SLC24A2: variants seen among roughly 807,000 people sequenced by gnomAD.
SLC24A2 encodes solute carrier family 24 member 2.
In SLC24A2, 36 loss-of-function variants were observed where a neutral mutation model predicts 62.0. That is an observed-to-expected ratio of 0.58 (90% CI 0.44 to 0.77). The LOEUF (loss-of-function observed/expected upper bound fraction) is 0.77. SLC24A2 is among the 30% of genes least tolerant of loss of function. The pLI is 0.00. For missense variants in SLC24A2, 846 were observed against 817.9 expected (o/e 1.03, Z -0.42); for synonymous variants, 358 against 294.0 (o/e 1.22, Z -2.23).
the SLC24A2 span, among the ~76,000 whole-genome samples, chr9:19,990,636 A>G: frequency 7.9e-6 from 1 of 126,612 alleles, no homozygotes; most frequent in Non-Finnish European, 1.6e-5. Context: ...AAAACAAAAC[A>G]AAAAAAAAAA....
the SLC24A2 span, among the ~76,000 whole-genome samples, chr9:20,187,708 C>A: frequency 6.6e-6 from 1 of 152,178 alleles, no homozygotes; most frequent in African/African-American, 2.4e-5. Context: ...TTCTCCCATT[C>A]TTAGCTAGGT....
the SLC24A2 span, among the ~76,000 whole-genome samples, chr9:20,045,476 G>A: frequency 2.0e-5 from 3 of 151,978 alleles, no homozygotes; most frequent in South Asian, 6.2e-4. Context: ...CTGTCGCCCG[G>A]GCTGGAGTGC....
chr9:19,827,866 C>T, the SLC24A2 span, among the ~76,000 whole-genome samples: 166 of 152,278 alleles, frequency 1.1e-3, 2 homozygotes, highest in African/African-American at 3.8e-3. Flanking sequence ...TCTGGAATCA[C>T]CCATATATAA....
the SLC24A2 span, among the ~76,000 whole-genome samples, chr9:19,952,954 C>G: frequency 1.3e-5 from 2 of 151,874 alleles, no homozygotes; most frequent in Non-Finnish European, 2.9e-5. Context: ...TATTAACATT[C>G]TCTATTTCTT....
the SLC24A2 span, among the ~76,000 whole-genome samples, chr9:20,121,135 C>A: frequency 0.01 from 1,504 of 147,048 alleles, 15 homozygotes; most frequent in Non-Finnish European, 0.016. Context: ...TATTTAGAAT[C>A]ACCTCCTAAT....
the SLC24A2 span, among the ~76,000 whole-genome samples, chr9:20,248,740 A>G: frequency 1.3e-5 from 2 of 152,226 alleles, no homozygotes; most frequent in African/African-American, 4.8e-5. Context: ...CTAAGGATTC[A>G]TTTTTCATCT....
intron 2 of SLC24A2, among the ~76,000 whole-genome samples, chr9:19,677,805 A>G (rs1218944529): frequency 6.7e-6 from 1 of 149,754 alleles, no homozygotes; most frequent in Non-Finnish European, 1.5e-5. Context: ...ATAGATTTGT[A>G]TATAGTATAA....
At chr9:19,554,323 C>T (rs1044973440) in intron 7 of SLC24A2, among the ~76,000 whole-genome samples, 2 of 152,184 alleles carry the variant, frequency 1.3e-5, no homozygotes, top group Non-Finnish European at 2.9e-5. Flanking sequence ...AAAAGCAATA[C>T]AGTGTAACAA....
the SLC24A2 span, among the ~76,000 whole-genome samples, chr9:19,935,751 A>T: frequency 6.6e-6 from 1 of 152,160 alleles, no homozygotes; most frequent in Non-Finnish European, 1.5e-5. Context: ...TGTGTGTCCT[A>T]GTGTGAGGAA....
chr9:20,203,898 G>C, the SLC24A2 span, among the ~76,000 whole-genome samples: 1 of 152,140 alleles, frequency 6.6e-6, no homozygotes, highest in Non-Finnish European at 1.5e-5. Context: ...AATATTCTTT[G>C]AGTATTTATT....
the SLC24A2 span, among the ~76,000 whole-genome samples, chr9:19,989,553 T>C: frequency 6.6e-6 from 1 of 152,222 alleles, no homozygotes; most frequent in Non-Finnish European, 1.5e-5. Flanking sequence ...TTATGCTTTA[T>C]ACTAAGTGAT....
chr9:20,137,583 C>T, the SLC24A2 span, among the ~76,000 whole-genome samples: 7 of 152,164 alleles, frequency 4.6e-5, no homozygotes, highest in Admixed American at 4.6e-4. Flanking sequence ...TAAAAGAGCC[C>T]TAGGCCACTG....
chr9:20,235,002 G>A, the SLC24A2 span, among the ~76,000 whole-genome samples: 1 of 152,238 alleles, frequency 6.6e-6, no homozygotes, highest in Non-Finnish European at 1.5e-5. Context: ...TCCAGACCCT[G>A]TTCACCTGGG....
At chr9:20,167,305 G>C in the SLC24A2 span, among the ~76,000 whole-genome samples, 1 of 89,142 alleles carries the variant, frequency 1.1e-5, no homozygotes, top group Non-Finnish European at 2.2e-5. Context: ...TAGCAATTCT[G>C]AAAAAATTTT....
chr9:19,949,056 C>A, the SLC24A2 span, among the ~76,000 whole-genome samples: 1 of 151,546 alleles, frequency 6.6e-6, no homozygotes, highest in Non-Finnish European at 1.5e-5. Context: ...TGCAGTGGTG[C>A]CATCTCAGCT....
upstream of SLC24A2, among the ~76,000 whole-genome samples, chr9:19,789,429 C>A (rs559854418): frequency 2.6e-5 from 4 of 152,326 alleles, no homozygotes; most frequent in African/African-American, 9.6e-5. Context: ...GTGGAAAAGA[C>A]GTTCAATGAA....
chr9:19,519,686 A>C (rs748024151), intron 10 of SLC24A2, among the ~76,000 whole-genome samples: 1 of 152,200 alleles, frequency 6.6e-6, no homozygotes, highest in Non-Finnish European at 1.5e-5. Flanking sequence ...ATATACCAGG[A>C]CAAGAGTAAG....
In SLC24A2 at chr9:19,619,654, G is replaced by A; in HGVS notation, c.1008C>T (p.Ser336=). The change falls in exon 4 of 11, where the codon TCC becomes TCT. Residue 336 remains serine (S), a synonymous_variant. Coordinates refer to ENST00000341998, the MANE Select transcript of SLC24A2 (RefSeq NM_020344.4). ...TATTCCTCATGAGACTGTTGTGGAGGGAGGCAGAGCTTCCACCTCGCTGGA... is the reference window on the plus strand; with the variant it reads ...TATTCCTCATGAGACTGTTGTGGAGAGAGGCAGAGCTTCCACCTCGCTGGA... ...PRLQRGGSSA[S]LHNSLMRNSI... The A allele has an allele frequency of 6.2e-7, 1 of 1,614,026 alleles. No individual in the cohort carries two copies.
intron 7 of SLC24A2, 67 bp from the exon 8 acceptor site, chr9:19,550,335 G>A (rs531334877): frequency 2.0e-6 from 3 of 1,530,272 alleles, no homozygotes; most frequent in East Asian, 2.3e-5. Flanking sequence ...ACAACAACAG[G>A]AGCACAGAAC....
Sources: allele counts gnomAD v4.1 joint callset (sites outside exome capture counted in the v4.1 genomes callset), GRCh38; gene constraint gnomAD v4.1.1; transcripts MANE v1.5; gene names NCBI Gene and HGNC (gene_info 2026-07-23, HGNC 2026-07-21).